The following CSK variants were observed in gnomAD, a reference collection of about 807,000 sequenced individuals.
The protein encoded by CSK is C-terminal Src kinase.
CSK carries 7 observed loss-of-function variants against 62.3 expected under a neutral mutation model. That is an observed-to-expected ratio of 0.11 (90% CI 0.06 to 0.21). The LOEUF is 0.21. CSK is among the 10% of genes least tolerant of loss of function. The pLI is 1.00. For missense variants in CSK, 294 were observed against 613.5 expected, an observed-to-expected ratio of 0.48 and a Z score of 5.50; for synonymous variants, 237 against 246.0, an observed-to-expected ratio of 0.96 and a Z score of 0.34.
chr15:74,802,058 T>G lies in CSK; in HGVS notation c.1145T>G (p.Phe382Cys). The change falls in exon 12 of 13, where the codon TTT (phenylalanine) becomes TGT (cysteine). Residue 382 changes from phenylalanine (F) to cysteine (C), a missense_variant. Around this residue, in one of 3 missense-constraint regions of CSK, gnomAD observed 66 missense variants for 99.3 expected, o/e 0.66. Coordinates refer to ENST00000220003, the MANE Select transcript of CSK (RefSeq NM_004383.3). ...FGILLWEIYSFGRVPYPRIPL... is the reference protein window; with the variant it reads ...FGILLWEIYSCGRVPYPRIPL... ...ATCCTTCTCTGGGAAATCTACTCCT[T>G]TGGGCGAGTGCCTTATCCAAGAATT... The G allele has an allele frequency of 6.2e-7, 1 of 1,614,086 alleles. No homozygotes were observed. The highest frequency in any genetic ancestry group is 8.5e-7 in the Non-Finnish European group (1 of 1,180,008).
At chr15:74,801,133 C>A (rs1354099777) in intron 9 of CSK, 31 bp downstream of exon 9, 2 of 1,610,974 alleles carry the variant, frequency 1.2e-6, no homozygotes, top group East Asian at 4.5e-5. Context: ...GGCACTCAGG[C>A]CTTCCAACTG....
rs1372290168 is a variant in CSK, at chr15:74,794,251, G to GGTAA, written c.-65-3981_-65-3980insTAAG. Among the ~76,000 whole-genome samples the GGTAA allele has an allele frequency of 1.7e-3, 82 of 47,598 alleles. 25 individuals are homozygous for GGTAA. Among genetic ancestry groups the GGTAA allele is most frequent in the Non-Finnish European group, 3.0e-3 (60 of 20,320 alleles). The allele number at this position is 47,598 out of a possible 152,430, so 31.2% of individuals were successfully genotyped here. Reference sequence around the variant, plus strand: ...TACAGTCCACAGGAGGCAGGGGCAAGGGGTCCCCGCCACCCCCACCCCCAC... The same window carrying GGTAA: ...TACAGTCCACAGGAGGCAGGGGCAAGGTAAGGGTCCCCGCCACCCCCACCCCCAC... On this transcript the variant is annotated intron_variant, in intron 1 of 12. Coordinates refer to ENST00000220003, the MANE Select transcript of CSK (RefSeq NM_004383.3).
chr15:74,786,221 G>A (rs904762048), intron 1 of CSK, among the ~76,000 whole-genome samples: 6 of 151,696 alleles, frequency 4.0e-5, no homozygotes, highest in South Asian at 2.1e-4. Flanking sequence ...GGGTTTCTCC[G>A]TGTTGGTCAG....
At chr15:74,790,255 T>G (rs2063598264) in intron 1 of CSK, among the ~76,000 whole-genome samples, 1 of 152,222 alleles carries the variant, frequency 6.6e-6, no homozygotes, top group Non-Finnish European at 1.5e-5. Flanking sequence ...AAACAGTTAC[T>G]GAAGGCTCCC....
intron 1 of CSK, among the ~76,000 whole-genome samples, chr15:74,783,147 C>T (rs2063463021): frequency 6.6e-6 from 1 of 151,898 alleles, no homozygotes; most frequent in Admixed American, 6.5e-5. Context: ...CCCACCATGA[C>T]CCTGCGGGCT....
chr15:74,794,567 G>C (rs148896221), intron 1 of CSK, among the ~76,000 whole-genome samples: 1 of 152,136 alleles, frequency 6.6e-6, no homozygotes, highest in African/African-American at 2.4e-5. Context: ...TGGGAGGAAC[G>C]GAAGCTCTTT....
chr15:74,796,071 G>C (rs1189828182), intron 1 of CSK, among the ~76,000 whole-genome samples: 1 of 151,982 alleles, frequency 6.6e-6, no homozygotes, highest in Non-Finnish European at 1.5e-5. Flanking sequence ...TACAAAAATT[G>C]GTCTGCTGTG....
At position 74,801,999 on chromosome 15, in the gene CSK, A is replaced by G; in HGVS notation, c.1086A>G (p.Lys362=). Reference sequence around the variant, plus strand: ...TGCTTCTTCCATCCACATGGCAGAAATTCTCCACTAAGTCTGACGTGTGGA... The same window carrying G: ...TGCTTCTTCCATCCACATGGCAGAAGTTCTCCACTAAGTCTGACGTGTGGA... ...WTAPEALREK[K]FSTKSDVWSF... is the part of the protein sequence containing the mutation. The change falls in exon 12 of 13, where the codon AAA becomes AAG. Residue 362 remains lysine (K), a splice_region_variant and synonymous_variant. Coordinates refer to ENST00000220003, the MANE Select transcript of CSK (RefSeq NM_004383.3). 1 of 1,613,904 alleles carries G rather than the reference A, an allele frequency of 6.2e-7. No individual in the cohort carries two copies. Among genetic ancestry groups the G allele is most frequent in the Non-Finnish European group, 8.5e-7 (1 of 1,179,898 alleles).
At chr15:74,793,079 AAG>A (rs939898617) in intron 1 of CSK, 1 of 152,178 alleles carries the variant, frequency 6.6e-6, no homozygotes, top group Non-Finnish European at 1.5e-5. Context: ...GGAGCCGTCC[AAG>A]AGAGTTAGCA....
rs1413774328 is a variant in CSK, at chr15:74,802,727, G to A, written c.*214G>A. The A allele has an allele frequency of 2.7e-5, 15 of 551,058 alleles. No homozygotes were observed. Among genetic ancestry groups the A allele is most frequent in the Non-Finnish European group, 4.2e-5 (14 of 332,216 alleles). The allele number at this position is 551,058 out of a possible 1,614,324, so 34.1% of individuals were successfully genotyped here. A position where few individuals can be genotyped will look rare whatever the true frequency, so the allele number is the denominator to read the frequency against. ...CACTGAGGGGCCAGGGAGGAAGGAG[G>A]CCACGGAGCGGGAGGCAGCGCCCCA... On this transcript the variant is annotated 3_prime_UTR_variant, in exon 13 of 13. Coordinates refer to ENST00000220003, the MANE Select transcript of CSK (RefSeq NM_004383.3).
chr15:74,801,990 A>G lies in CSK; in HGVS notation c.1084-7A>G, dbSNP rs760724688. The G allele has an allele frequency of 5.0e-6, 8 of 1,613,534 alleles. No homozygotes were observed. The highest frequency in any genetic ancestry group is 4.5e-5 in the East Asian group (2 of 44,886). ...ATCTGACGCTGCTTCTTCCATCCAC[A>G]TGGCAGAAATTCTCCACTAAGTCTG... On this transcript the variant is annotated splice_region_variant and splice_polypyrimidine_tract_variant and intron_variant, in intron 11 of 12. Coordinates refer to ENST00000220003, the MANE Select transcript of CSK (RefSeq NM_004383.3).
At chr15:74,802,156 G>A in intron 12 of CSK, 73 bp downstream of exon 12, 1 of 1,506,698 alleles carries the variant, frequency 6.6e-7, no homozygotes, top group East Asian at 2.3e-5. Flanking sequence ...AGCCTCCTTG[G>A]GCCCTGCCTC....
chr15:74,801,406 T>C, intron 9 of CSK, 116 bp from the exon 10 acceptor site: 1 of 1,009,988 alleles, frequency 9.9e-7, no homozygotes, highest in Non-Finnish European at 1.5e-6. Flanking sequence ...CCCTCCCCAC[T>C]CCTTCCCTGT....
chr15:74,795,334 G>A (rs552207350), intron 1 of CSK, among the ~76,000 whole-genome samples: 62 of 152,130 alleles, frequency 4.1e-4, no homozygotes, highest in African/African-American at 1.3e-3. Flanking sequence ...GCAAGACTCC[G>A]TCGCAATAAT....
chr15:74,798,273 CG>C lies in CSK; in HGVS notation c.-21del, dbSNP rs769325298. On this transcript the variant is annotated 5_prime_UTR_variant, in exon 2 of 13. Transcript: ENST00000220003. This position sits in a 1 kb window ranked among gnomAD's most constrained non-coding sequence, Gnocchi z 6.6. The stretch of plus-strand genomic sequence containing the variant: ...GTGACAGGTTGGCTTTACTGTGACT[CG>C]GGGACGCCAGAGCTCCTGAGAAGAT... The C allele has an allele frequency of 3.9e-6, 6 of 1,554,656 alleles. No homozygotes were observed. The highest frequency in any genetic ancestry group is 5.2e-6 in the Non-Finnish European group (6 of 1,150,064).
chr15:74,784,863 G>T (rs1217338286), intron 1 of CSK, among the ~76,000 whole-genome samples: 1 of 152,182 alleles, frequency 6.6e-6, no homozygotes, highest in African/African-American at 2.4e-5. Context: ...CAGGGATGTT[G>T]ACTGAGTCTG....
In CSK at chr15:74,802,721, AAGG is replaced by A. The variant is rs2063812475; in HGVS notation, c.*212_*214del. On this transcript the variant is annotated 3_prime_UTR_variant, in exon 13 of 13. Transcript: ENST00000220003. ...GGAGCCCACTGAGGGGCCAGGGAGG[AAGG>A]AGGCCACGGAGCGGGAGGCAGCGCC... 1.7e-6 allele frequency: 1 copy of A among 574,710 alleles called. No individual in the cohort carries two copies. The highest frequency in any genetic ancestry group is 2.8e-6 in the Non-Finnish European group (1 of 352,518). The allele number at this position is 574,710 out of a possible 1,614,324, so 35.6% of individuals were successfully genotyped here. A position where few individuals can be genotyped will look rare whatever the true frequency, so the allele number is the denominator to read the frequency against.
At chr15:74,791,163 C>G (rs923329349) in intron 1 of CSK, among the ~76,000 whole-genome samples, 1 of 152,164 alleles carries the variant, frequency 6.6e-6, no homozygotes, top group African/African-American at 2.4e-5. Flanking sequence ...CAAAGATAAT[C>G]GAGGCATATT....
At chr15:74,783,633 C>T (rs1322171950) in intron 1 of CSK, among the ~76,000 whole-genome samples, 3 of 152,236 alleles carry the variant, frequency 2.0e-5, no homozygotes, top group Non-Finnish European at 4.4e-5. Flanking sequence ...AGCCCGGCCC[C>T]AGAGGGACCT....
Sources: allele counts gnomAD v4.1 joint callset (sites outside exome capture counted in the v4.1 genomes callset), GRCh38; gene constraint gnomAD v4.1.1; regional missense constraint gnomAD v4.1.1; non-coding constraint Gnocchi (gnomAD v3.1); transcripts MANE v1.5; gene names NCBI Gene and HGNC (gene_info 2026-07-23, HGNC 2026-07-21).